Variants in TRAF3IP1 observed in about 807,000 individuals in gnomAD.
The protein encoded by TRAF3IP1 is intraflagellar transport 54, also known as TRAF3-interacting protein 1.
Under a neutral mutation model 89.9 loss-of-function variants are expected in TRAF3IP1, and 53 were observed. The observed-to-expected ratio is 0.59, with a 90% CI of 0.47 to 0.74. The LOEUF is 0.74. Ranked by LOEUF, TRAF3IP1 falls within the 30% of genes least tolerant of loss-of-function variation. The pLI, the probability that TRAF3IP1 is intolerant of heterozygous loss-of-function variation, is 0.00. For missense variants in TRAF3IP1, 806 were observed against 866.1 expected, an observed-to-expected ratio of 0.93 and a Z score of 0.87; for synonymous variants, 311 against 322.1, an observed-to-expected ratio of 0.97 and a Z score of 0.37.
Position 238,325,899 on chromosome 2 carries a change from A to G in TRAF3IP1, c.283A>G (p.Ile95Val). The G allele has an allele frequency of 6.2e-7, 1 of 1,614,244 alleles. No individual in the cohort carries two copies. Among genetic ancestry groups the G allele is most frequent in the Non-Finnish European group, 8.5e-7 (1 of 1,180,032 alleles). ...GEPLLAKPARIVAGHEPERTN... is the reference protein window; with the variant it reads ...GEPLLAKPARVVAGHEPERTN... ...GCCACTGTTGGCCAAACCAGCCCGAATCGTGGCGGGGCATGAGCCTGAAAG... is the reference window on the plus strand; with the variant it reads ...GCCACTGTTGGCCAAACCAGCCCGAGTCGTGGCGGGGCATGAGCCTGAAAG... Residue 95 changes from isoleucine (I) to valine (V), a missense_variant, in exon 3 of 17, where the codon ATC becomes GTC. Physicochemically the swap from Ile to Val is conservative, Grantham distance 29. Around this residue, in one of 3 missense-constraint regions of TRAF3IP1, gnomAD observed 732 missense variants for 780.5 expected, o/e 0.94. Transcript: ENST00000373327.
chr2:238,347,296 T>C, intron 9 of TRAF3IP1, 159 bp from the exon 10 acceptor site: 4 of 701,488 alleles, frequency 5.7e-6, no homozygotes, highest in Middle Eastern at 5.5e-4. Flanking sequence ...AAAATGGCAA[T>C]AGGGACATTA....
In TRAF3IP1 at chr2:238,379,485, G is replaced by A. The variant is rs1210039229; in HGVS notation, c.1690-17974G>A. Among the ~76,000 whole-genome samples the A allele has an allele frequency of 6.6e-6, 1 of 152,226 alleles. No individual in the cohort carries two copies. Among genetic ancestry groups the A allele is most frequent in the Non-Finnish European group, 1.5e-5 (1 of 68,042 alleles). ...CTGCTCGTGTGAAGGCGGCAGCGTG[G>A]TGCCATCACTTGGGTATTTGGAACT... On this transcript the variant is annotated intron_variant, in intron 15 of 16. Transcript: ENST00000373327. This position sits in a 1 kb window ranked among gnomAD's most constrained non-coding sequence, Gnocchi z 4.0.
intron 7 of TRAF3IP1, among the ~76,000 whole-genome samples, chr2:238,335,936 G>A (rs1349583385): frequency 6.6e-6 from 1 of 151,908 alleles, no homozygotes; most frequent in African/African-American, 2.4e-5. Flanking sequence ...GATTACATGT[G>A]TATGCCACCA....
In TRAF3IP1 at chr2:238,379,974, C is replaced by G. The variant is rs1460000754; in HGVS notation, c.1690-17485C>G. ...TGATGGAGAAAGACAATTTTAAAGT[C>G]CATTTTAAAACTTAGATTCTTTTGC... is the stretch of plus-strand genomic sequence containing the variant. On this transcript the variant is annotated intron_variant, in intron 15 of 16. Transcript: ENST00000373327. This position sits in a 1 kb window ranked among gnomAD's most constrained non-coding sequence, Gnocchi z 4.0. 1.3e-5 allele frequency among the ~76,000 whole-genome samples: 2 copies of G among 152,174 alleles called. No homozygotes were observed. Among genetic ancestry groups the G allele is most frequent in the African/African-American group, 2.4e-5 (1 of 41,432 alleles).
At position 238,392,343 on chromosome 2, in the gene TRAF3IP1, A is replaced by G. The variant is rs190616433; in HGVS notation, c.1690-5116A>G. Among the ~76,000 whole-genome samples the G allele has an allele frequency of 5.9e-5, 9 of 152,290 alleles. No homozygotes were observed. The East Asian group carries it at 1.2e-3, about 20-fold the overall frequency. ...ATGAAACAGGATCCAGAACATTTGT[A>G]TCACCTCAAAGATCCCTCTTGTTGC... On this transcript the variant is annotated intron_variant, in intron 15 of 16. Transcript: ENST00000373327.
At chr2:238,332,759 G>T in intron 5 of TRAF3IP1, 65 bp from the exon 6 acceptor site, 1 of 1,199,260 alleles carries the variant, frequency 8.3e-7, no homozygotes, top group Non-Finnish European at 1.2e-6. Flanking sequence ...AAAATATCTT[G>T]GCATATTTTT....
intron 5 of TRAF3IP1, among the ~76,000 whole-genome samples, chr2:238,332,354 A>C (rs548805060): frequency 2.0e-5 from 3 of 152,322 alleles, no homozygotes; most frequent in African/African-American, 7.2e-5. Context: ...CCTCACTTAA[A>C]GTCTGAAGCC....
intron 15 of TRAF3IP1, among the ~76,000 whole-genome samples, chr2:238,360,666 G>C (rs1358565388): frequency 6.6e-6 from 1 of 152,070 alleles, no homozygotes; most frequent in South Asian, 2.1e-4. Flanking sequence ...GGCAGATCAC[G>C]AGGTCAGGAG....
chr2:238,338,288 T>G (rs1452099879), intron 7 of TRAF3IP1, 74 bp from the exon 8 acceptor site: 1 of 930,452 alleles, frequency 1.1e-6, no homozygotes, highest in East Asian at 2.7e-5. Flanking sequence ...GTAACCCTTA[T>G]AAATCCCAGC....
intron 15 of TRAF3IP1, among the ~76,000 whole-genome samples, chr2:238,395,733 C>T (rs182946857): frequency 5.6e-4 from 85 of 152,252 alleles, no homozygotes; most frequent in African/African-American, 2.0e-3. Context: ...TGAACACACA[C>T]TTCTCAAAAG....
chr2:238,392,631 G>C (rs1419276862), intron 15 of TRAF3IP1, among the ~76,000 whole-genome samples: 1 of 152,008 alleles, frequency 6.6e-6, no homozygotes, highest in African/African-American at 2.4e-5. Context: ...GGAGTGCAAT[G>C]GCGTGATCTC....
chr2:238,336,788 C>T (rs900613122), intron 7 of TRAF3IP1, among the ~76,000 whole-genome samples: 3 of 152,098 alleles, frequency 2.0e-5, no homozygotes, highest in Non-Finnish European at 4.4e-5. Context: ...AATAGTCTTT[C>T]CCCTGAAAAG....
At chr2:238,383,208 CTG>C (rs2106367083) in intron 15 of TRAF3IP1, among the ~76,000 whole-genome samples, 1 of 152,328 alleles carries the variant, frequency 6.6e-6, no homozygotes, top group South Asian at 2.1e-4. Context: ...ACCACCCAGA[CTG>C]TGTGGGGCTC....
At chr2:238,355,835 A>G (rs527296820) in intron 14 of TRAF3IP1, among the ~76,000 whole-genome samples, 169 bp from the exon 15 acceptor site, 1 of 152,340 alleles carries the variant, frequency 6.6e-6, no homozygotes, top group South Asian at 2.1e-4. Flanking sequence ...CCAGCTGTCT[A>G]TCACTCTTGT....
chr2:238,335,495 T>C (rs1320467530), intron 7 of TRAF3IP1, among the ~76,000 whole-genome samples: 1 of 152,166 alleles, frequency 6.6e-6, no homozygotes, highest in East Asian at 1.9e-4. Flanking sequence ...TCATTGTTCT[T>C]TTCCAAAAAG....
chr2:238,335,980 C>T (rs1344312237), intron 7 of TRAF3IP1, among the ~76,000 whole-genome samples: 1 of 151,700 alleles, frequency 6.6e-6, no homozygotes, highest in Non-Finnish European at 1.5e-5. Context: ...TTAGTAGAGA[C>T]AGGGTTTTAC....
chr2:238,385,729 T>G (rs1388417494), intron 15 of TRAF3IP1, among the ~76,000 whole-genome samples: 2 of 152,328 alleles, frequency 1.3e-5, no homozygotes, highest in Admixed American at 1.3e-4. Context: ...CCACCTCTGG[T>G]GATGAGAATG....
intron 15 of TRAF3IP1, among the ~76,000 whole-genome samples, chr2:238,394,973 C>G (rs987679770): frequency 6.6e-6 from 1 of 152,160 alleles, no homozygotes; most frequent in Admixed American, 6.5e-5. Context: ...TTTGTTACAA[C>G]TGAGTGCATT....
At chr2:238,323,119 C>T (rs1211470384) in intron 1 of TRAF3IP1, among the ~76,000 whole-genome samples, 1 of 151,078 alleles carries the variant, frequency 6.6e-6, no homozygotes, top group Non-Finnish European at 1.5e-5. Context: ...TGCTCTGTCG[C>T]CCAGGCTGGA....
Sources: allele counts gnomAD v4.1 joint callset (sites outside exome capture counted in the v4.1 genomes callset), GRCh38; gene constraint gnomAD v4.1.1; regional missense constraint gnomAD v4.1.1; non-coding constraint Gnocchi (gnomAD v3.1); transcripts MANE v1.5; gene names NCBI Gene and HGNC (gene_info 2026-07-23, HGNC 2026-07-21).